The following CSMD1 variants were observed in gnomAD, a reference collection of about 807,000 sequenced individuals.
The protein encoded by CSMD1 is CUB and sushi domain-containing protein 1.
Under a neutral mutation model 417.5 loss-of-function variants are expected in CSMD1, and 213 were observed. The ratio of observed to expected loss-of-function variants is 0.51; its 90% CI spans 0.46 to 0.57. The LOEUF (loss-of-function observed/expected upper bound fraction) is 0.57. Among genes scored for constraint, CSMD1 ranks in the 20% least tolerant of loss-of-function variants. The pLI, the probability that CSMD1 is intolerant of heterozygous loss-of-function variation, is 0.00. For missense variants in CSMD1, 6,923 were observed against 4,529.7 expected (o/e 1.53, Z -15.17); for synonymous variants, 2,862 against 1,736.8 (o/e 1.65, Z -16.11).
chr8:3,377,597 C>T (rs559760243), intron 18 of CSMD1, among the ~76,000 whole-genome samples: 1 of 152,172 alleles, frequency 6.6e-6, no homozygotes, highest in African/African-American at 2.4e-5. Context: ...AATCATTTTC[C>T]TATTGATCCT....
intron 5 of CSMD1, among the ~76,000 whole-genome samples, chr8:3,791,372 G>A (rs1010198078): frequency 4.6e-5 from 7 of 152,176 alleles, no homozygotes; most frequent in African/African-American, 7.2e-5. Context: ...TAAATTTGGT[G>A]AAGAAAATCT....
chr8:3,312,864 C>T (rs1445923025), intron 23 of CSMD1, among the ~76,000 whole-genome samples: 2 of 152,182 alleles, frequency 1.3e-5, no homozygotes, highest in African/African-American at 4.8e-5. Context: ...ACTTTATCCA[C>T]ATTCGTTAGG....
intron 57 of CSMD1, 129 bp downstream of exon 57, chr8:2,972,988 G>T: frequency 2.3e-6 from 2 of 883,052 alleles, no homozygotes; most frequent in Non-Finnish European, 3.4e-6. Context: ...CACAAATATT[G>T]CGGGGAAAAG....
At chr8:3,404,232 G>A (rs564205836) in intron 15 of CSMD1, among the ~76,000 whole-genome samples, 2 of 152,034 alleles carry the variant, frequency 1.3e-5, no homozygotes, top group South Asian at 4.2e-4. Flanking sequence ...TACTCAGGAA[G>A]GCTGAGGCAG....
chr8:4,834,722 C>T (rs1035589932), intron 1 of CSMD1, among the ~76,000 whole-genome samples: 2 of 151,606 alleles, frequency 1.3e-5, no homozygotes, highest in African/African-American at 4.8e-5. Context: ...TTTGGGAGGC[C>T]GAGGCGGGCG....
chr8:4,872,433 C>T (rs1431461971), intron 1 of CSMD1, among the ~76,000 whole-genome samples: 2 of 152,140 alleles, frequency 1.3e-5, no homozygotes, highest in Non-Finnish European at 2.9e-5. Context: ...CCTATGAAGT[C>T]TGACGGTTTT....
chr8:3,152,556 T>A (rs943581277), intron 39 of CSMD1, among the ~76,000 whole-genome samples: 12 of 152,292 alleles, frequency 7.9e-5, no homozygotes, highest in Non-Finnish European at 1.6e-4. Flanking sequence ...TTATTTGTAA[T>A]TTGAGAAATA....
intron 23 of CSMD1, among the ~76,000 whole-genome samples, chr8:3,329,379 T>C (rs1198042939): frequency 6.6e-6 from 1 of 151,914 alleles, no homozygotes; most frequent in Non-Finnish European, 1.5e-5. Flanking sequence ...GAGAAAGGAA[T>C]GATAAGCAGG....
At chr8:4,230,329 A>C (rs568767782) in intron 3 of CSMD1, among the ~76,000 whole-genome samples, 1 of 152,188 alleles carries the variant, frequency 6.6e-6, no homozygotes, top group Non-Finnish European at 1.5e-5. Context: ...TAATCCATCC[A>C]TTGCATAAAG....
At chr8:4,683,102 T>C (rs1419772579) in intron 1 of CSMD1, among the ~76,000 whole-genome samples, 3 of 151,168 alleles carry the variant, frequency 2.0e-5, no homozygotes, top group Middle Eastern at 3.5e-3. Flanking sequence ...AAGTTTCAAT[T>C]TGTACTATTA....
intron 26 of CSMD1, among the ~76,000 whole-genome samples, chr8:3,274,775 T>G (rs1802145794): frequency 6.6e-6 from 1 of 152,194 alleles, no homozygotes; most frequent in Non-Finnish European, 1.5e-5. Context: ...GTTTTCCATT[T>G]GCTTGGTAGA....
intron 12 of CSMD1, among the ~76,000 whole-genome samples, chr8:3,451,460 A>C (rs1161584685): frequency 6.6e-6 from 1 of 152,184 alleles, no homozygotes; most frequent in Admixed American, 6.5e-5. Flanking sequence ...GCTAACATTT[A>C]AGTGTCCAAT....
chr8:4,033,337 G>T (rs1312422846), intron 3 of CSMD1, among the ~76,000 whole-genome samples: 1 of 152,060 alleles, frequency 6.6e-6, no homozygotes, highest in African/African-American at 2.4e-5. Context: ...AGCTACTTGG[G>T]AGGCTGAGGC....
At chr8:3,329,177 C>T (rs185949309) in intron 23 of CSMD1, among the ~76,000 whole-genome samples, 2 of 152,196 alleles carry the variant, frequency 1.3e-5, no homozygotes, top group Admixed American at 1.3e-4. Flanking sequence ...CTCAAGAGGG[C>T]ATTGAAAAAT....
intron 6 of CSMD1, among the ~76,000 whole-genome samples, chr8:3,718,801 T>C (rs1215315160): frequency 6.6e-6 from 1 of 152,136 alleles, no homozygotes; most frequent in Non-Finnish European, 1.5e-5. Context: ...AATCACGTAT[T>C]TCCCTGTGAT....
At chr8:3,671,807 C>G (rs1799083890) in intron 7 of CSMD1, among the ~76,000 whole-genome samples, 1 of 151,886 alleles carries the variant, frequency 6.6e-6, no homozygotes. Flanking sequence ...GGCTTGGAGC[C>G]TAGAACTTCA....
At chr8:4,296,057 G>T (rs1797664306) in intron 3 of CSMD1, among the ~76,000 whole-genome samples, 1 of 152,002 alleles carries the variant, frequency 6.6e-6, no homozygotes, top group Non-Finnish European at 1.5e-5. Flanking sequence ...AAAGACTGAA[G>T]GAGCCCTTAA....
chr8:4,615,321 A>G (rs1452202383), intron 2 of CSMD1, among the ~76,000 whole-genome samples: 1 of 152,166 alleles, frequency 6.6e-6, no homozygotes, highest in Non-Finnish European at 1.5e-5. Context: ...CTTCCCCCAA[A>G]CCCAGAAAAC....
At chr8:4,106,462 T>A (rs891306906) in intron 3 of CSMD1, among the ~76,000 whole-genome samples, 3 of 152,212 alleles carry the variant, frequency 2.0e-5, no homozygotes, top group Middle Eastern at 3.2e-3. Context: ...CTCTCAGCTT[T>A]CATTCTCTCT....
Sources: allele counts gnomAD v4.1 joint callset (sites outside exome capture counted in the v4.1 genomes callset), GRCh38; gene constraint gnomAD v4.1.1; transcripts MANE v1.5; gene names NCBI Gene and HGNC (gene_info 2026-07-23, HGNC 2026-07-21).